DNAH12: variants seen among roughly 807,000 people sequenced by gnomAD.
DNAH12 encodes dynein axonemal heavy chain 12.
DNAH12 carries 285 observed loss-of-function variants against 371.5 expected under a neutral mutation model. The observed-to-expected ratio is 0.77, with a 90% CI of 0.70 to 0.85. The LOEUF is 0.85. DNAH12 is among the 40% of genes least tolerant of loss of function. DNAH12 has a pLI of 0.00. For missense variants in DNAH12, 3,611 were observed against 3,689.4 expected (o/e 0.98, Z 0.55); for synonymous variants, 1,200 against 1,213.0 (o/e 0.99, Z 0.22).
At chr3:57,383,504 G>T (rs2063438265) in intron 49 of DNAH12, among the ~76,000 whole-genome samples, 1 of 114,934 alleles carries the variant, frequency 8.7e-6, no homozygotes, top group Non-Finnish European at 1.9e-5. Context: ...CCTCTTAAAG[G>T]CTTTGTCAAA....
rs1559621308 is a variant in DNAH12, at chr3:57,405,074, ACT to A, written c.6648_6649del (p.Arg2216SerfsTer4). The A allele has an allele frequency of 3.9e-6, 6 of 1,546,652 alleles. No individual in the cohort carries two copies. Among genetic ancestry groups the A allele is most frequent in the South Asian group, 3.6e-5 (3 of 82,954 alleles). Reference sequence around the variant, plus strand: ...ATGAATATTTGGAATTTCAATATAAACTCTATCATCTCCTTCAAGGTCAGGAT... The same window carrying A: ...ATGAATATTTGGAATTTCAATATAAACTATCATCTCCTTCAAGGTCAGGAT... On this transcript the variant is annotated frameshift_variant, in exon 42 of 74. Coordinates refer to ENST00000495027, the MANE Select transcript of DNAH12 (RefSeq NM_001366028.2). LOFTEE classifies it high-confidence loss of function.
intron 52 of DNAH12, among the ~76,000 whole-genome samples, chr3:57,378,133 T>C (rs1430441157): frequency 6.6e-6 from 1 of 152,174 alleles, no homozygotes; most frequent in Non-Finnish European, 1.5e-5. Context: ...TTGTTGCATA[T>C]TTCTCTCCCA....
At chr3:57,467,531 A>AT (rs1180159505) in intron 17 of DNAH12, among the ~76,000 whole-genome samples, 1 of 152,164 alleles carries the variant, frequency 6.6e-6, no homozygotes, top group African/African-American at 2.4e-5. Flanking sequence ...ATTCATCTAG[A>AT]AAAAGTAGTT....
chr3:57,297,058 AT>A (rs1445241323), intron 70 of DNAH12, 74 bp from the exon 71 acceptor site: 2 of 1,509,108 alleles, frequency 1.3e-6, no homozygotes, highest in Non-Finnish European at 1.8e-6. Context: ...ACAATTCCTG[AT>A]TCTGGTTTTT....
At chr3:57,474,226 C>T (rs1010101554) in intron 13 of DNAH12, among the ~76,000 whole-genome samples, 2 of 152,072 alleles carry the variant, frequency 1.3e-5, no homozygotes, top group African/African-American at 4.8e-5. Context: ...TATATGAAGA[C>T]ATTCCAAAAT....
At position 57,339,393 on chromosome 3, in the gene DNAH12, A is replaced by G. The variant is rs1232363582; in HGVS notation, c.9675-4453T>C. ...ATCAATAAATACTAAAAAAAAAAAA[A>G]AAAGAAAGAAAGTTGATCTCATGAG... On this transcript the variant is annotated intron_variant, in intron 60 of 73. Coordinates refer to ENST00000495027, the MANE Select transcript of DNAH12 (RefSeq NM_001366028.2). 4.6e-5 allele frequency among the ~76,000 whole-genome samples: 7 copies of G among 151,832 alleles called. No individual in the cohort carries two copies. In the East Asian group the frequency reaches 1.2e-3, roughly 25 times the overall value.
At chr3:57,546,099 A>G (rs952191341), upstream of DNAH12, among the ~76,000 whole-genome samples, 11 of 152,040 alleles carry the variant, frequency 7.2e-5, no homozygotes, top group African/African-American at 2.7e-4. Context: ...AGCAGCATCT[A>G]TGAATCATCA....
chr3:57,348,043 T>C (rs191149793), intron 60 of DNAH12, among the ~76,000 whole-genome samples: 1 of 152,338 alleles, frequency 6.6e-6, no homozygotes, highest in Admixed American at 6.5e-5. Context: ...TGAAAACTTA[T>C]GTTCTCACAA....
chr3:57,495,008 CA>C lies in DNAH12; in HGVS notation c.1336-5322del, dbSNP rs34521012. Among the ~76,000 whole-genome samples the C allele has an allele frequency of 7.5e-5, 11 of 147,504 alleles. No individual in the cohort carries two copies. The East Asian group carries it at 1.0e-3, about 13-fold the overall frequency. Reference sequence around the variant, plus strand: ...TGGGCAACAAAGCAAGACCCTGTCTCAAAAAAAAAAATGTTACTAGAGATAA... The same window carrying C: ...TGGGCAACAAAGCAAGACCCTGTCTCAAAAAAAAAATGTTACTAGAGATAA... On this transcript the variant is annotated intron_variant, in intron 11 of 73. Transcript: ENST00000495027.
chr3:57,369,309 T>G (rs2153335410), intron 55 of DNAH12, among the ~76,000 whole-genome samples: 1 of 144,662 alleles, frequency 6.9e-6, no homozygotes, highest in African/African-American at 2.5e-5. Context: ...AATTATATAT[T>G]ATAAATTATA....
chr3:57,452,745 A>G (rs1051616575), intron 25 of DNAH12, 98 bp downstream of exon 25: 112 of 1,125,574 alleles, frequency 1.0e-4, no homozygotes, highest in Non-Finnish European at 1.3e-4. Flanking sequence ...GAAAGGGATA[A>G]TTGTATTCAA....
rs182637742 is a variant in DNAH12, at chr3:57,454,523, A to T, written c.3456+252T>A. On this transcript the variant is annotated intron_variant, in intron 23 of 73. Transcript: ENST00000495027. ...AATAGTTGTAATTTTAAGATTATAT[A>T]TAGAAACTGACAGACGTATTGTCTT... Among the ~76,000 whole-genome samples the T allele has an allele frequency of 1.4e-4, 22 of 152,114 alleles. No homozygotes were observed. The East Asian group carries it at 3.7e-3, about 25-fold the overall frequency.
At chr3:57,302,567 A>ATATATATATTTTTTTTTTTTT (rs2061380979) in intron 69 of DNAH12, among the ~76,000 whole-genome samples, 1 of 27,484 alleles carries the variant, frequency 3.6e-5, no homozygotes, top group African/African-American at 1.3e-4. Context: ...ATATATATGT[A>ATATATATATTTTTTTTTTTTT]TTTTTTTTTT....
chr3:57,331,361 C>T (rs1449346289), intron 62 of DNAH12, among the ~76,000 whole-genome samples: 1 of 152,116 alleles, frequency 6.6e-6, no homozygotes, highest in African/African-American at 2.4e-5. Flanking sequence ...AGGGAGGCTA[C>T]TGGTGATAAA....
intron 12 of DNAH12, among the ~76,000 whole-genome samples, chr3:57,486,608 T>A (rs2066930936): frequency 6.6e-6 from 1 of 152,112 alleles, no homozygotes; most frequent in South Asian, 2.1e-4. Context: ...TACAATATGC[T>A]AAGGAAAATT....
intron 54 of DNAH12, 119 bp downstream of exon 54, chr3:57,375,698 AG>A (rs2063267844): frequency 6.6e-6 from 1 of 152,062 alleles, no homozygotes; most frequent in South Asian, 2.1e-4. Context: ...AAAAAAAGAA[AG>A]ACCCCATGTT....
rs2061549717 is a variant in DNAH12, at chr3:57,309,755, G to GC, written c.10995dup (p.Leu3666AlafsTer17). On this transcript the variant is annotated frameshift_variant, in exon 68 of 74. Coordinates refer to ENST00000495027, the MANE Select transcript of DNAH12 (RefSeq NM_001366028.2). LOFTEE classifies it high-confidence loss of function. ...TGTTTGGAGCCTCCCTGGGTGAGGA[G>GC]CAAGGACTCAAAGAGGGTTTTTGTT... 1 of 1,551,450 alleles carries GC rather than the reference G, an allele frequency of 6.4e-7. No individual in the cohort carries two copies. Among genetic ancestry groups the GC allele is most frequent in the Non-Finnish European group, 8.7e-7 (1 of 1,146,868 alleles).
intron 49 of DNAH12, among the ~76,000 whole-genome samples, chr3:57,383,650 G>T (rs1249106486): frequency 9.2e-6 from 1 of 109,254 alleles, no homozygotes; most frequent in African/African-American, 3.5e-5. Context: ...AGGAAGCTGA[G>T]TTGGGGTGGG....
chr3:57,525,343 A>G (rs2153398671), intron 2 of DNAH12, among the ~76,000 whole-genome samples: 1 of 152,244 alleles, frequency 6.6e-6, no homozygotes, highest in East Asian at 1.9e-4. Flanking sequence ...AATGATCAGA[A>G]TAGCATATTT....
Sources: gnomAD v4.1 joint callset for allele counts (sites outside exome capture counted in the v4.1 genomes callset) on GRCh38, gnomAD v4.1.1 for gene constraint, MANE v1.5 for transcripts, NCBI Gene and HGNC (gene_info 2026-07-23, HGNC 2026-07-21) for gene names.